HS3ST4: variants seen among roughly 807,000 people sequenced by gnomAD.
HS3ST4 encodes the protein heparan sulfate glucosamine 3-O-sulfotransferase 4.
A neutral mutation model predicts 29.2 loss-of-function variants in HS3ST4; 17 were observed. The observed-to-expected ratio is 0.58, with a 90% CI of 0.40 to 0.87. The LOEUF (loss-of-function observed/expected upper bound fraction) is 0.87, where lower values mean the gene tolerates loss of function less well. HS3ST4 is among the 40% of genes least tolerant of loss of function. HS3ST4 has a pLI of 0.00. For missense variants in HS3ST4, 627 were observed against 634.5 expected (o/e 0.99, Z 0.13); for synonymous variants, 314 against 285.7 (o/e 1.10, Z -1.00).
intron 1 of HS3ST4, among the ~76,000 whole-genome samples, chr16:25,989,411 C>T (rs1424506610): frequency 6.6e-6 from 1 of 152,188 alleles, no homozygotes; most frequent in African/African-American, 2.4e-5. Flanking sequence ...CGGTGACATA[C>T]ATGGGAAGAC....
chr16:26,033,514 CAA>C lies in HS3ST4; in HGVS notation c.735-102083_735-102082del, dbSNP rs112569573. Among the ~76,000 whole-genome samples, 205 of 113,328 alleles carry C rather than the reference CAA, an allele frequency of 1.8e-3. 1 individual carries two copies. Among genetic ancestry groups the C allele is most frequent in the South Asian group, 3.6e-3 (13 of 3,584 alleles). The allele number at this position is 113,328 out of a possible 152,430, so 74.3% of individuals were successfully genotyped here. On this transcript the variant is annotated intron_variant, in intron 1 of 1. Coordinates refer to ENST00000331351, the MANE Select transcript of HS3ST4 (RefSeq NM_006040.3). ...TGGGTGACTGTGTGAGACTCTGTCT[CAA>C]AAAAAAAAAAAAAAGGAAAACAAAA...
intron 1 of HS3ST4, among the ~76,000 whole-genome samples, chr16:26,122,091 G>A (rs1899283928): frequency 6.7e-6 from 1 of 149,232 alleles, no homozygotes; most frequent in Non-Finnish European, 1.5e-5. Context: ...TTAGATTTTA[G>A]ATCCACGCTA....
At chr16:25,710,107 A>C (rs531700722) in intron 1 of HS3ST4, among the ~76,000 whole-genome samples, 13 of 152,284 alleles carry the variant, frequency 8.5e-5, no homozygotes, top group Middle Eastern at 3.4e-3. Flanking sequence ...ATATAGAATT[A>C]AGTGTGATTT....
At chr16:25,787,457 T>C (rs1259379887) in intron 1 of HS3ST4, among the ~76,000 whole-genome samples, 1 of 152,218 alleles carries the variant, frequency 6.6e-6, no homozygotes, top group African/African-American at 2.4e-5. Context: ...GTATACACTC[T>C]TGCCTTACAA....
In HS3ST4 at chr16:25,863,143, G is replaced by A. The variant is rs1967655673; in HGVS notation, c.734+169992G>A. On this transcript the variant is annotated intron_variant, in intron 1 of 1. Coordinates refer to ENST00000331351, the MANE Select transcript of HS3ST4 (RefSeq NM_006040.3). Reference sequence around the variant, plus strand: ...TGATTTGCATATCTTGGAATCCTTTGTTAGTTTTATATGAAGTTTTTTTTC... The same window carrying A: ...TGATTTGCATATCTTGGAATCCTTTATTAGTTTTATATGAAGTTTTTTTTC... 1.3e-5 allele frequency among the ~76,000 whole-genome samples: 2 copies of A among 152,080 alleles called. 1 individual carries two copies. Among genetic ancestry groups the A allele is most frequent in the South Asian group, 4.1e-4 (2 of 4,834 alleles).
At chr16:25,857,342 A>G (rs1967583346) in intron 1 of HS3ST4, among the ~76,000 whole-genome samples, 1 of 152,150 alleles carries the variant, frequency 6.6e-6, no homozygotes, top group Non-Finnish European at 1.5e-5. Flanking sequence ...GATCTAAGAA[A>G]AGACATTGAT....
intron 1 of HS3ST4, among the ~76,000 whole-genome samples, chr16:26,040,396 T>G (rs1370918617): frequency 6.6e-6 from 1 of 151,870 alleles, no homozygotes; most frequent in East Asian, 1.9e-4. Context: ...ATCTGCTTAC[T>G]GTGTTCAAGG....
rs1180091353 is a variant in HS3ST4, at chr16:25,709,245, G to A, written c.734+16094G>A. ...CCTGATTCTCTTTCCCCAAGTATAG[G>A]TGGAGAAGCTTGTCATCTTTGTCCT... is the stretch of plus-strand genomic sequence containing the variant. On this transcript the variant is annotated intron_variant, in intron 1 of 1. Transcript: ENST00000331351. 2.0e-5 allele frequency among the ~76,000 whole-genome samples: 3 copies of A among 152,212 alleles called. No homozygotes were observed. In the East Asian group the frequency reaches 5.8e-4, roughly 29 times the overall value.
At chr16:26,105,310 A>G (rs1465372109) in intron 1 of HS3ST4, among the ~76,000 whole-genome samples, 2 of 152,208 alleles carry the variant, frequency 1.3e-5, no homozygotes, top group African/African-American at 2.4e-5. Flanking sequence ...AAACGTAGTC[A>G]TAAAAATAGG....
chr16:25,729,138 A>G (rs1216417245), intron 1 of HS3ST4, among the ~76,000 whole-genome samples: 1 of 152,136 alleles, frequency 6.6e-6, no homozygotes, highest in African/African-American at 2.4e-5. Flanking sequence ...GTACATCAAG[A>G]AGGAGTCTGG....
At chr16:25,745,074 G>A (rs1001167739) in intron 1 of HS3ST4, among the ~76,000 whole-genome samples, 3 of 152,084 alleles carry the variant, frequency 2.0e-5, no homozygotes, top group African/African-American at 4.8e-5. Flanking sequence ...TCTTGAAAAC[G>A]ATTCTCATTG....
intron 1 of HS3ST4, among the ~76,000 whole-genome samples, chr16:25,860,335 A>G (rs1426900492): frequency 6.6e-6 from 1 of 152,224 alleles, no homozygotes; most frequent in Non-Finnish European, 1.5e-5. Context: ...TTACCATATG[A>G]TGCAGCCATC....
At chr16:26,039,628 A>G (rs546682429) in intron 1 of HS3ST4, among the ~76,000 whole-genome samples, 2 of 152,214 alleles carry the variant, frequency 1.3e-5, no homozygotes, top group South Asian at 4.1e-4. Flanking sequence ...TGAAATATAC[A>G]ATTAAGTTAT....
rs151070424 is a variant in HS3ST4 at position 25,810,388 on chromosome 16, T to G, written c.734+117237T>G. On this transcript the variant is annotated intron_variant, in intron 1 of 1. Coordinates refer to ENST00000331351, the MANE Select transcript of HS3ST4 (RefSeq NM_006040.3). ...ATTTTACATCCCAGGGTATGCCCTT[T>G]TGTAATGAATATCCTATGGTGGTTG... is the stretch of plus-strand genomic sequence containing the variant. Among the ~76,000 whole-genome samples, 94 of 152,334 alleles carry G rather than the reference T, an allele frequency of 6.2e-4. 2 individuals carry two copies. In the East Asian group the frequency reaches 0.017, roughly 27 times the overall value.
intron 1 of HS3ST4, among the ~76,000 whole-genome samples, chr16:26,109,514 C>T (rs545658000): frequency 6.8e-6 from 1 of 146,378 alleles, no homozygotes; most frequent in East Asian, 1.9e-4. Flanking sequence ...TATCAAGGAC[C>T]TGGGCATGGC....
chr16:25,903,391 A>G (rs1406472666), intron 1 of HS3ST4, among the ~76,000 whole-genome samples: 3 of 85,468 alleles, frequency 3.5e-5, no homozygotes, highest in Non-Finnish European at 7.7e-5. Context: ...ATAAAATCAC[A>G]TATCACACAC....
chr16:25,914,465 A>T (rs1245777266), intron 1 of HS3ST4, among the ~76,000 whole-genome samples: 1 of 149,078 alleles, frequency 6.7e-6, no homozygotes, highest in Non-Finnish European at 1.5e-5. Flanking sequence ...TTGTGTGTTC[A>T]TGTTAGTGGG....
intron 1 of HS3ST4, among the ~76,000 whole-genome samples, chr16:25,922,931 G>T (rs903222705): frequency 1.3e-5 from 2 of 152,218 alleles, no homozygotes; most frequent in African/African-American, 2.4e-5. Context: ...TTGGCAGAAG[G>T]TCAGGGCCAT....
At chr16:26,048,931 A>G (rs550906897) in intron 1 of HS3ST4, among the ~76,000 whole-genome samples, 2 of 152,256 alleles carry the variant, frequency 1.3e-5, no homozygotes, top group African/African-American at 2.4e-5. Flanking sequence ...TGATCATACT[A>G]TGTCTGTCAT....
Sources: allele counts gnomAD v4.1 joint callset (sites outside exome capture counted in the v4.1 genomes callset), GRCh38; gene constraint gnomAD v4.1.1; transcripts MANE v1.5; gene names NCBI Gene and HGNC (gene_info 2026-07-23, HGNC 2026-07-21).